The following UBE2U variants were observed in gnomAD, a reference collection of about 807,000 sequenced individuals.
UBE2U encodes the protein ubiquitin conjugating enzyme E2 U.
UBE2U carries 39 observed loss-of-function variants against 41.2 expected under a neutral mutation model. That is an observed-to-expected ratio of 0.95 (90% confidence interval 0.73 to 1.24). The LOEUF (loss-of-function observed/expected upper bound fraction) is 1.24, where lower values mean the gene tolerates loss of function less well. UBE2U is among the 50% of genes most tolerant of loss of function. The probability of loss-of-function intolerance (pLI) is 0.00; values close to 1 mark genes in which losing one functional copy is unlikely to be tolerated. For synonymous variants in UBE2U, 107 were observed against 117.8 expected, an observed-to-expected ratio of 0.91 and a Z score of 0.60; for missense variants, 336 against 363.1, an observed-to-expected ratio of 0.93 and a Z score of 0.61.
chr1:64,205,916 T>C (rs567870625), intron 2 of UBE2U, among the ~76,000 whole-genome samples, 196 bp downstream of exon 2: 5 of 152,308 alleles, frequency 3.3e-5, no homozygotes, highest in East Asian at 3.9e-4. Flanking sequence ...TTTTTTGCCA[T>C]GTGTCAACAT....
chr1:64,239,174 AGAAG>A (rs1644780645), intron 7 of UBE2U, among the ~76,000 whole-genome samples: 3 of 94,490 alleles, frequency 3.2e-5, no homozygotes, highest in Admixed American at 3.2e-4. Flanking sequence ...AAGAAGAAGA[AGAAG>A]AAGAAGAAGA....
At chr1:64,211,430 A>ATTTCT (rs758782705) in intron 4 of UBE2U, among the ~76,000 whole-genome samples, 5 of 151,856 alleles carry the variant, frequency 3.3e-5, no homozygotes, top group Admixed American at 1.3e-4. Context: ...GTGTTGTGCT[A>ATTTCT]TTTCTTTTCT....
At chr1:64,228,530 G>A (rs977417115) in intron 6 of UBE2U, among the ~76,000 whole-genome samples, 1 of 152,118 alleles carries the variant, frequency 6.6e-6, no homozygotes, top group African/African-American at 2.4e-5. Context: ...TCTGTGTGAT[G>A]GAGCCTCTGG....
At chr1:64,234,786 G>A (rs1269829898) in intron 7 of UBE2U, among the ~76,000 whole-genome samples, 1 of 152,156 alleles carries the variant, frequency 6.6e-6, no homozygotes, top group Non-Finnish European at 1.5e-5. Context: ...GTGCTGCCTA[G>A]TCAATTCAGC....
chr1:64,205,164 C>G (rs1424986930), intron 1 of UBE2U, among the ~76,000 whole-genome samples: 1 of 152,156 alleles, frequency 6.6e-6, no homozygotes, highest in Non-Finnish European at 1.5e-5. Context: ...ATTGGAACAA[C>G]TCCTCAAGTA....
chr1:64,204,397 A>G (rs1036146930), intron 1 of UBE2U, among the ~76,000 whole-genome samples: 1 of 152,230 alleles, frequency 6.6e-6, no homozygotes, highest in African/African-American at 2.4e-5. Flanking sequence ...GTTAGTGACT[A>G]GTAGGTGCAG....
intron 7 of UBE2U, 48 bp downstream of exon 7, chr1:64,232,697 T>A: frequency 4.2e-6 from 6 of 1,441,082 alleles, no homozygotes; most frequent in Non-Finnish European, 4.8e-6. Context: ...TATGTTAATC[T>A]GTTAACATTT....
rs36057587 is a variant in UBE2U, at chr1:64,239,156, G to GA, written c.596-2493dup. ...AGAAGAAGAAGAAGAAGAAGAAGAAGAAAGAAGAAGAAGAAGAAGAAGAAG... is the reference window on the plus strand; with the variant it reads ...AGAAGAAGAAGAAGAAGAAGAAGAAGAAAAGAAGAAGAAGAAGAAGAAGAAG... On this transcript the variant is annotated intron_variant, in intron 7 of 9. Transcript: ENST00000371077. Among the ~76,000 whole-genome samples, 177 of 28,404 alleles carry GA rather than the reference G, an allele frequency of 6.2e-3. 3 individuals carry two copies. The highest frequency in any genetic ancestry group is 8.6e-3 in the Non-Finnish European group (132 of 15,402). The allele number at this position is 28,404 out of a possible 152,430, so 18.6% of individuals were successfully genotyped here.
chr1:64,251,194 TATATA>T (rs1474883550), intron 8 of UBE2U, among the ~76,000 whole-genome samples: 1 of 150,506 alleles, frequency 6.6e-6, no homozygotes, highest in African/African-American at 2.4e-5. Flanking sequence ...ATATATAACA[TATATA>T]ATATAGTTTT....
Position 64,232,576 on chromosome 1 carries a change from C to A in UBE2U, c.522C>A (p.Thr174=). The A allele has an allele frequency of 6.2e-7, 1 of 1,612,340 alleles. No homozygotes were observed. The highest frequency in any genetic ancestry group is 1.7e-5 in the Admixed American group (1 of 59,756). The change falls in exon 7 of 10, where the codon ACC becomes ACA. Residue 174 remains threonine, a synonymous_variant. Transcript: ENST00000371077. The part of the protein sequence containing the change: ...PRKCIRPIKT[T]SFSDYYQTWS... ...ATATTTTCAGACCAATTAAAACAAC[C>A]TCATTTAGTGATTACTACCAGACAT...
chr1:64,256,363 A>C (rs1645091041), intron 8 of UBE2U, among the ~76,000 whole-genome samples: 1 of 152,204 alleles, frequency 6.6e-6, no homozygotes, highest in South Asian at 2.1e-4. Context: ...ACCCAACTTC[A>C]AACTACACTG....
At chr1:64,265,273 A>T (rs1456346307) in intron 9 of UBE2U, among the ~76,000 whole-genome samples, 1 of 152,152 alleles carries the variant, frequency 6.6e-6, no homozygotes, top group African/African-American at 2.4e-5. Context: ...CTTTTCTCTT[A>T]TGTGAGATAA....
At chr1:64,221,882 C>G (rs987624861) in intron 6 of UBE2U, among the ~76,000 whole-genome samples, 1 of 151,948 alleles carries the variant, frequency 6.6e-6, no homozygotes, top group Admixed American at 6.6e-5. Flanking sequence ...GTCAGAAGAT[C>G]GAGACCATCC....
chr1:64,253,279 C>A (rs1056461257), intron 8 of UBE2U, among the ~76,000 whole-genome samples: 1 of 152,144 alleles, frequency 6.6e-6, no homozygotes, highest in Non-Finnish European at 1.5e-5. Flanking sequence ...GACACCAAAC[C>A]TACAACTGAT....
chr1:64,230,575 T>C (rs1217929009), intron 6 of UBE2U, among the ~76,000 whole-genome samples: 1 of 152,134 alleles, frequency 6.6e-6, no homozygotes, highest in African/African-American at 2.4e-5. Flanking sequence ...TACTCTTCCC[T>C]TGGCCTACAG....
intron 8 of UBE2U, among the ~76,000 whole-genome samples, chr1:64,255,657 A>G (rs1351282284): frequency 4.6e-5 from 7 of 151,872 alleles, no homozygotes; most frequent in African/African-American, 1.4e-4. Flanking sequence ...CATAAACAGA[A>G]CTACTGAATA....
At chr1:64,255,280 TACCA>T (rs993905663) in intron 8 of UBE2U, among the ~76,000 whole-genome samples, 1 of 151,696 alleles carries the variant, frequency 6.6e-6, no homozygotes, top group African/African-American at 2.4e-5. Context: ...AATAATAGCC[TACCA>T]ACCAAAAAAA....
chr1:64,239,057 GA>G (rs1644727834), intron 7 of UBE2U, among the ~76,000 whole-genome samples: 11 of 62,770 alleles, frequency 1.8e-4, no homozygotes, highest in African/African-American at 1.3e-4. Context: ...AGAAGAAGAA[GA>G]AGAAGAAGAG....
At chr1:64,211,046 G>A (rs1047238804) in intron 4 of UBE2U, among the ~76,000 whole-genome samples, 3 of 152,026 alleles carry the variant, frequency 2.0e-5, no homozygotes, top group Admixed American at 6.6e-5. Flanking sequence ...GATAGTTAAG[G>A]CCCCTCAAGA....
Sources: gnomAD v4.1 joint callset for allele counts (sites outside exome capture counted in the v4.1 genomes callset) on GRCh38, gnomAD v4.1.1 for gene constraint, MANE v1.5 for transcripts, NCBI Gene and HGNC (gene_info 2026-07-23, HGNC 2026-07-21) for gene names.